THSD7B: variants seen among roughly 807,000 people sequenced by gnomAD.
THSD7B encodes thrombospondin type 1 domain containing 7B.
Under a neutral mutation model 213.6 loss-of-function variants are expected in THSD7B, and 138 were observed. That is an observed-to-expected ratio of 0.65 (90% CI 0.56 to 0.74). THSD7B has a LOEUF of 0.74. THSD7B is among the 30% of genes least tolerant of loss of function. The pLI is 0.00. For missense variants in THSD7B, 1,931 were observed against 1,991.5 expected (o/e 0.97, Z 0.58); for synonymous variants, 742 against 687.0 (o/e 1.08, Z -1.25).
At chr2:137,075,123 A>G (rs1558910074) in intron 3 of THSD7B, among the ~76,000 whole-genome samples, 1 of 152,118 alleles carries the variant, frequency 6.6e-6, no homozygotes, top group African/African-American at 2.4e-5. Context: ...CTGGATTTGA[A>G]TGTTGGCCTG....
chr2:137,555,094 C>T (rs1011112013), intron 15 of THSD7B, among the ~76,000 whole-genome samples: 2 of 152,226 alleles, frequency 1.3e-5, no homozygotes, highest in African/African-American at 4.8e-5. Context: ...GCCTGCCTGC[C>T]TCTGTAGACT....
At chr2:137,272,423 T>A (rs1033302854) in intron 10 of THSD7B, 110 bp from the exon 11 acceptor site, 17 of 1,158,210 alleles carry the variant, frequency 1.5e-5, no homozygotes, top group Admixed American at 3.3e-5. Flanking sequence ...AGGTTGACTT[T>A]CCACATGTGC....
chr2:137,129,470 C>T (rs1478765817), intron 5 of THSD7B, among the ~76,000 whole-genome samples: 2 of 151,656 alleles, frequency 1.3e-5, no homozygotes, highest in African/African-American at 2.4e-5. Context: ...GACAGAGTCT[C>T]ACTCTGTCAC....
intron 4 of THSD7B, among the ~76,000 whole-genome samples, chr2:137,107,532 T>C (rs931366005): frequency 2.6e-5 from 4 of 152,224 alleles, no homozygotes; most frequent in African/African-American, 7.2e-5. Context: ...ATTTGAAGTA[T>C]ACCACTAATA....
At chr2:137,041,174 GTC>G (rs2104861911) in intron 2 of THSD7B, among the ~76,000 whole-genome samples, 1 of 152,246 alleles carries the variant, frequency 6.6e-6, no homozygotes, top group East Asian at 1.9e-4. Context: ...TTTTTATGTG[GTC>G]TCTGCGTGGA....
chr2:137,648,614 A>G (rs1287024387), intron 21 of THSD7B, among the ~76,000 whole-genome samples: 1 of 152,126 alleles, frequency 6.6e-6, no homozygotes, highest in East Asian at 1.9e-4. Context: ...CGTGTTCTTT[A>G]TCCATTCATC....
At chr2:137,653,154 A>G (rs1205039269) in intron 21 of THSD7B, among the ~76,000 whole-genome samples, 1 of 152,114 alleles carries the variant, frequency 6.6e-6, no homozygotes, top group Admixed American at 6.6e-5. Context: ...TCTGTAAAGG[A>G]CTTTATCCTG....
rs915336292 is a variant in THSD7B, at chr2:137,075,136, G to C, written c.950+17906G>C. Among the ~76,000 whole-genome samples, 4 of 152,208 alleles carry C rather than the reference G, an allele frequency of 2.6e-5. No homozygotes were observed. The East Asian group carries it at 7.7e-4, about 29-fold the overall frequency. ...TCCTGGATTTGAATGTTGGCCTGCT[G>C]TGCCAGATTGGGGAAAGTCTCCTAG... On this transcript the variant is annotated intron_variant, in intron 3 of 27. Transcript: ENST00000409968.
chr2:136,940,250 A>G (rs1684798231), intron 2 of THSD7B, among the ~76,000 whole-genome samples: 1 of 151,870 alleles, frequency 6.6e-6, no homozygotes. Context: ...TTTAGCTCCT[A>G]CTTATAAGTT....
chr2:137,337,475 T>C (rs909776738), intron 12 of THSD7B, among the ~76,000 whole-genome samples: 1 of 152,144 alleles, frequency 6.6e-6, no homozygotes, highest in Non-Finnish European at 1.5e-5. Context: ...CATGTCTCAT[T>C]ACAGATTAAT....
At chr2:137,524,417 T>A (rs143351556) in intron 15 of THSD7B, among the ~76,000 whole-genome samples, 260 of 152,268 alleles carry the variant, frequency 1.7e-3, no homozygotes, top group African/African-American at 5.9e-3. Context: ...TCCTTTCCTG[T>A]TCACCAATAT....
intron 2 of THSD7B, among the ~76,000 whole-genome samples, chr2:136,910,409 A>G (rs974894055): frequency 2.6e-5 from 4 of 152,180 alleles, no homozygotes; most frequent in African/African-American, 9.7e-5. Flanking sequence ...TACATGTGAG[A>G]TTTAATGATA....
chr2:137,394,724 T>C (rs1686130656), intron 12 of THSD7B, among the ~76,000 whole-genome samples: 1 of 138,664 alleles, frequency 7.2e-6, no homozygotes, highest in Non-Finnish European at 1.6e-5. Flanking sequence ...TTGATGGGGA[T>C]GGCATTGAAT....
chr2:137,074,550 C>T (rs1479031971), intron 3 of THSD7B, among the ~76,000 whole-genome samples: 2 of 152,130 alleles, frequency 1.3e-5, no homozygotes, highest in East Asian at 3.8e-4. Context: ...ATTTGCCAGT[C>T]TGTGTCTTTT....
intron 26 of THSD7B, among the ~76,000 whole-genome samples, chr2:137,666,103 CT>C (rs968003897): frequency 4.6e-5 from 7 of 152,098 alleles, no homozygotes; most frequent in Middle Eastern, 3.4e-3. Flanking sequence ...TTTAGCCTAT[CT>C]TTTTTTATGT....
intron 2 of THSD7B, among the ~76,000 whole-genome samples, chr2:136,956,235 T>G (rs891081640): frequency 6.6e-6 from 1 of 152,098 alleles, no homozygotes; most frequent in African/African-American, 2.4e-5. Flanking sequence ...AAAGCAAAAA[T>G]GACTGATTTT....
chr2:137,453,342 T>TTTTC (rs1456177836), intron 15 of THSD7B, among the ~76,000 whole-genome samples: 3 of 142,218 alleles, frequency 2.1e-5, no homozygotes, highest in Non-Finnish European at 4.6e-5. Flanking sequence ...TTTTTTTTTT[T>TTTTC]TTTTTGAGAC....
Position 136,898,547 on chromosome 2 carries a change from A to G in THSD7B, c.139+16230A>G, listed in dbSNP as rs758170636. 7.3e-5 allele frequency among the ~76,000 whole-genome samples: 11 copies of G among 151,528 alleles called. 1 individual carries two copies. Among genetic ancestry groups the G allele is most frequent in the Non-Finnish European group, 1.3e-4 (9 of 67,830 alleles). ...CCAACATTTACTATCCAGAAAGTCT[A>G]GAAAATTCTATTTAGCTCCCCTTGT... On this transcript the variant is annotated intron_variant, in intron 2 of 27. Transcript: ENST00000409968.
chr2:136,919,184 C>T (rs556032638), intron 2 of THSD7B, among the ~76,000 whole-genome samples: 3 of 152,198 alleles, frequency 2.0e-5, no homozygotes, highest in Admixed American at 6.5e-5. Flanking sequence ...GACCTTTTTA[C>T]TCTCTCAAAG....
Sources: allele counts gnomAD v4.1 joint callset (sites outside exome capture counted in the v4.1 genomes callset), GRCh38; gene constraint gnomAD v4.1.1; transcripts MANE v1.5; gene names NCBI Gene and HGNC (gene_info 2026-07-23, HGNC 2026-07-21).